The following ESYT2 variants were observed in gnomAD, a reference collection of about 807,000 sequenced individuals.
The protein encoded by ESYT2 is extended synaptotagmin-2.
Under a neutral mutation model 107.2 loss-of-function variants are expected in ESYT2, and 54 were observed. That is an observed-to-expected ratio of 0.50 (90% CI 0.40 to 0.63). The LOEUF is 0.63. Ranked by LOEUF, ESYT2 falls within the 30% of genes least tolerant of loss-of-function variation. The pLI is 0.00. For missense variants in ESYT2, 1,020 were observed against 1,094.5 expected, an observed-to-expected ratio of 0.93 and a Z score of 0.96; for synonymous variants, 491 against 434.1, an observed-to-expected ratio of 1.13 and a Z score of -1.63.
intron 19 of ESYT2, among the ~76,000 whole-genome samples, chr7:158,738,430 T>A (rs1837060027): frequency 2.0e-5 from 3 of 151,932 alleles, no homozygotes; most frequent in African/African-American, 7.3e-5. Flanking sequence ...TGCTGAATAC[T>A]GTAGGCAATT....
intron 18 of ESYT2, 97 bp downstream of exon 18, chr7:158,741,426 C>T (rs1164067942): frequency 1.4e-5 from 20 of 1,469,566 alleles, no homozygotes; most frequent in African/African-American, 1.4e-5. Context: ...CAAAGCATGC[C>T]GGCCTCATGC....
chr7:158,773,421 T>G (rs1194652459), intron 6 of ESYT2, 25 bp from the exon 7 acceptor site: 1 of 1,612,914 alleles, frequency 6.2e-7, no homozygotes, highest in Non-Finnish European at 8.5e-7. Context: ...GGGCAAAATA[T>G]TAAGTTCCAA....
chr7:158,829,165 C>A lies in ESYT2; in HGVS notation c.254G>T (p.Cys85Phe). 6.4e-7 allele frequency: 1 copy of A among 1,552,686 alleles called. No individual in the cohort carries two copies. ...RSRGLKALRL[C>F]RALALLEDEE... ...GTCTTCCAGCAGCGCCAGCGCGCGGCACAGGCGCAGGGCCTTGAGGCCGCG... is the reference window on the plus strand; with the variant it reads ...GTCTTCCAGCAGCGCCAGCGCGCGGAACAGGCGCAGGGCCTTGAGGCCGCG... Residue 85 changes from cysteine to phenylalanine, a missense_variant, in exon 1 of 23, where the codon TGC (cysteine) becomes TTC (phenylalanine). Cys to Phe is a radical substitution (Grantham distance 205, BLOSUM62 -2). Transcript: ENST00000275418.
Position 158,822,355 on chromosome 7 carries a change from A to C in ESYT2, c.330+6734T>G, listed in dbSNP as rs145059490. Among the ~76,000 whole-genome samples, 712 of 152,376 alleles carry C rather than the reference A, an allele frequency of 4.7e-3. 3 individuals are homozygous for C. Among genetic ancestry groups the C allele is most frequent in the African/African-American group, 0.017 (688 of 41,592 alleles). ...TGAATCACAGTTAAGACTTTGGAAT[A>C]ACTCACGGAAAAACAGATTTCGGTT... is the stretch of plus-strand genomic sequence containing the variant. On this transcript the variant is annotated intron_variant, in intron 1 of 22. Transcript: ENST00000275418.
Position 158,785,702 on chromosome 7 carries a change from A to AG in ESYT2, c.747+2301dup, listed in dbSNP as rs1355262406. ...AAAGGCTACAGTAAGAGAAAGAACT[A>AG]GGAGTGGAAAACCAGGCTGTCCAAC... is the stretch of plus-strand genomic sequence containing the variant. On this transcript the variant is annotated intron_variant, in intron 6 of 22. Transcript: ENST00000275418. 4.6e-5 allele frequency among the ~76,000 whole-genome samples: 7 copies of AG among 152,308 alleles called. No homozygotes were observed. The East Asian group carries it at 1.2e-3, about 25-fold the overall frequency.
At position 158,829,095 on chromosome 7, in the gene ESYT2, G is replaced by C. The variant is rs776108628; in HGVS notation, c.324C>G (p.Pro108=). The change falls in exon 1 of 23, where the codon CCC becomes CCG. Residue 108 remains proline, a synonymous_variant. Coordinates refer to ENST00000275418, the MANE Select transcript of ESYT2 (RefSeq NM_001367773.1). ...VRLGVRACDL[P]AWVHFPDTER... is the part of the protein sequence containing the mutation. ...GGCAGGGGTCTGCACTCACCCAGGCGGGCAGGTCGCAGGCGCGCACCCCCA... is the reference window on the plus strand; with the variant it reads ...GGCAGGGGTCTGCACTCACCCAGGCCGGCAGGTCGCAGGCGCGCACCCCCA... The C allele has an allele frequency of 1.8e-5, 28 of 1,583,158 alleles. No individual in the cohort carries two copies. Among genetic ancestry groups the C allele is most frequent in the Non-Finnish European group, 2.4e-5 (28 of 1,173,894 alleles).
chr7:158,737,895 T>A (rs1258480376), intron 19 of ESYT2, among the ~76,000 whole-genome samples: 8 of 152,220 alleles, frequency 5.3e-5, no homozygotes, highest in Admixed American at 5.2e-4. Flanking sequence ...GCCCACAGTA[T>A]CATTGTTAAC....
intron 1 of ESYT2, among the ~76,000 whole-genome samples, chr7:158,822,226 A>C (rs1240402492): frequency 6.6e-6 from 1 of 152,240 alleles, no homozygotes; most frequent in Non-Finnish European, 1.5e-5. Flanking sequence ...TGTATTCTAT[A>C]ATACATGATA....
At chr7:158,748,766 C>A (rs1227345421) in intron 15 of ESYT2, among the ~76,000 whole-genome samples, 3 of 151,146 alleles carry the variant, frequency 2.0e-5, no homozygotes, top group African/African-American at 7.3e-5. Flanking sequence ...TGTCGCCAGG[C>A]TGGAGTGCAG....
intron 8 of ESYT2, among the ~76,000 whole-genome samples, chr7:158,766,738 C>T (rs1004939009): frequency 2.0e-5 from 3 of 152,202 alleles, no homozygotes; most frequent in Admixed American, 1.3e-4. Flanking sequence ...CAACTTACCA[C>T]GTCCTGTTTC....
intron 3 of ESYT2, among the ~76,000 whole-genome samples, chr7:158,794,550 G>A (rs1442154526): frequency 6.6e-6 from 1 of 152,078 alleles, no homozygotes; most frequent in Non-Finnish European, 1.5e-5. Flanking sequence ...CCGCACTTTG[G>A]CAGGTGGAGG....
intron 4 of ESYT2, among the ~76,000 whole-genome samples, chr7:158,791,316 C>T (rs1237387135): frequency 1.3e-5 from 2 of 152,222 alleles, no homozygotes; most frequent in Admixed American, 6.5e-5. Context: ...TTCTGCTTAT[C>T]CATTCATCGG....
At position 158,760,132 on chromosome 7, in the gene ESYT2, C is replaced by T. The variant is rs1171212154; in HGVS notation, c.1249G>A (p.Glu417Lys). The T allele has an allele frequency of 1.2e-5, 20 of 1,614,046 alleles. No homozygotes were observed. Among genetic ancestry groups the T allele is most frequent in the Non-Finnish European group, 1.5e-5 (18 of 1,179,998 alleles). Residue 417 changes from glutamate to lysine, a missense_variant, in exon 12 of 23, where the codon GAG (glutamate) becomes AAG (lysine). Physicochemically the swap from Glu to Lys is moderately conservative, Grantham distance 56. Coordinates refer to ENST00000275418, the MANE Select transcript of ESYT2 (RefSeq NM_001367773.1). ...AAGTGTAGCTTCCCCTTGGGAACCT[C>T]GTCCAGAGTGAACCACTGAAGAGAA... is the stretch of plus-strand genomic sequence containing the variant. ...RLLDEWFTLD[E>K]VPKGKLHLRL...
chr7:158,825,826 G>C (rs1343743765), intron 1 of ESYT2, among the ~76,000 whole-genome samples: 6 of 152,150 alleles, frequency 3.9e-5, no homozygotes, highest in African/African-American at 1.4e-4. Context: ...TCTTGTTCAA[G>C]GCAAAATACC....
intron 7 of ESYT2, among the ~76,000 whole-genome samples, chr7:158,768,576 C>T (rs548093983): frequency 6.6e-5 from 10 of 152,242 alleles, no homozygotes; most frequent in Admixed American, 2.6e-4. Flanking sequence ...CGCACCACCA[C>T]GCCTGGCTAA....
chr7:158,780,719 C>T (rs1189346353), intron 6 of ESYT2, among the ~76,000 whole-genome samples: 1 of 152,116 alleles, frequency 6.6e-6, no homozygotes, highest in African/African-American at 2.4e-5. Flanking sequence ...GTCAGGGAGG[C>T]AGGAGCAGGA....
Position 158,752,863 on chromosome 7 carries a change from C to G in ESYT2, c.1420-20G>C, listed in dbSNP as rs1338495711. The G allele has an allele frequency of 2.3e-6, 3 of 1,292,502 alleles. No homozygotes were observed. The highest frequency in any genetic ancestry group is 1.5e-5 in the African/African-American group (1 of 65,550). 80.1% of individuals were successfully genotyped at this position (1,292,502 alleles called of 1,614,324 possible). ...GTTACTCTTTCAAGTCAGAAGAAAA[C>G]GAATATGCCAAGGGTTAATAAAACA... is the stretch of plus-strand genomic sequence containing the variant. On this transcript the variant is annotated intron_variant, in intron 13 of 22. Transcript: ENST00000275418.
chr7:158,737,527 C>G (rs1231787773), intron 19 of ESYT2, among the ~76,000 whole-genome samples: 1 of 152,178 alleles, frequency 6.6e-6, no homozygotes, highest in East Asian at 1.9e-4. Flanking sequence ...GCCAGGCCCC[C>G]ACCCCACAGT....
At chr7:158,781,090 TGA>T (rs1477345138) in intron 6 of ESYT2, among the ~76,000 whole-genome samples, 3 of 152,084 alleles carry the variant, frequency 2.0e-5, no homozygotes, top group African/African-American at 4.8e-5. Flanking sequence ...AGAACAAATG[TGA>T]GACACAACAT....
Sources: gnomAD v4.1 joint callset for allele counts (sites outside exome capture counted in the v4.1 genomes callset) on GRCh38, gnomAD v4.1.1 for gene constraint, MANE v1.5 for transcripts, NCBI Gene and HGNC (gene_info 2026-07-23, HGNC 2026-07-21) for gene names.